RTTN: variants seen among roughly 807,000 people sequenced by gnomAD.
RTTN encodes the protein rotatin.
RTTN carries 182 observed loss-of-function variants against 269.2 expected under a neutral mutation model. The observed-to-expected ratio is 0.68, with a 90% confidence interval of 0.60 to 0.76. The LOEUF is 0.76. RTTN is among the 30% of genes least tolerant of loss of function. RTTN has a pLI of 0.00. For missense variants in RTTN, 2,545 were observed against 2,608.6 expected, an observed-to-expected ratio of 0.98 and a Z score of 0.53; for synonymous variants, 1,006 against 963.5, an observed-to-expected ratio of 1.04 and a Z score of -0.82.
At chr18:70,080,249 G>C (rs145634784) in intron 32 of RTTN, among the ~76,000 whole-genome samples, 1 of 152,038 alleles carries the variant, frequency 6.6e-6, no homozygotes, top group Non-Finnish European at 1.5e-5. Context: ...TAGAAGCAAT[G>C]ACACCCCAGG....
intron 14 of RTTN, among the ~76,000 whole-genome samples, chr18:70,161,909 T>C (rs987261175): frequency 6.6e-6 from 1 of 152,212 alleles, no homozygotes; most frequent in Non-Finnish European, 1.5e-5. Flanking sequence ...ACACTGCTTG[T>C]GGGAATTTAA....
At chr18:70,076,599 A>C (rs977984147) in intron 32 of RTTN, among the ~76,000 whole-genome samples, 1 of 152,036 alleles carries the variant, frequency 6.6e-6, no homozygotes, top group Admixed American at 6.6e-5. Context: ...TTCAATATTC[A>C]ATGTCTTTTA....
At chr18:70,091,989 G>C (rs569101283) in intron 30 of RTTN, 121 bp downstream of exon 30, 32 of 508,638 alleles carry the variant, frequency 6.3e-5, no homozygotes, top group African/African-American at 4.0e-4. Context: ...TCCTGACCTC[G>C]TGATCTGCCC....
intron 28 of RTTN, among the ~76,000 whole-genome samples, chr18:70,099,265 G>A (rs2059090341): frequency 6.6e-6 from 1 of 152,148 alleles, no homozygotes; most frequent in African/African-American, 2.4e-5. Flanking sequence ...GTTGTTTCCT[G>A]ACATTTTAAT....
At chr18:70,043,975 A>T (rs551931573) in intron 40 of RTTN, among the ~76,000 whole-genome samples, 1 of 152,336 alleles carries the variant, frequency 6.6e-6, no homozygotes, top group Non-Finnish European at 1.5e-5. Context: ...AAAAAGAGAA[A>T]AAGAAATCAA....
intron 35 of RTTN, among the ~76,000 whole-genome samples, chr18:70,063,029 T>C (rs1041095127): frequency 6.6e-6 from 1 of 152,230 alleles, no homozygotes; most frequent in Non-Finnish European, 1.5e-5. Context: ...ATTTGTGTTG[T>C]TTCCATGTTT....
intron 40 of RTTN, among the ~76,000 whole-genome samples, chr18:70,032,207 T>C (rs1024898289): frequency 1.3e-5 from 2 of 152,186 alleles, no homozygotes; most frequent in Admixed American, 6.5e-5. Flanking sequence ...GTCTTGCCCA[T>C]GAGATGGGGC....
chr18:70,099,892 G>C (rs1055603360), intron 28 of RTTN, among the ~76,000 whole-genome samples: 1 of 152,176 alleles, frequency 6.6e-6, no homozygotes, highest in African/African-American at 2.4e-5. Flanking sequence ...GATGGTTGTA[G>C]ATGTGTGGTA....
At chr18:70,156,656 G>A (rs1019802796) in intron 14 of RTTN, among the ~76,000 whole-genome samples, 7 of 152,020 alleles carry the variant, frequency 4.6e-5, no homozygotes, top group African/African-American at 1.2e-4. Context: ...GGAACCCACC[G>A]ACATGTGATG....
chr18:70,197,784 C>G, intron 5 of RTTN, 46 bp from the exon 6 acceptor site: 1 of 1,248,484 alleles, frequency 8.0e-7, no homozygotes, highest in South Asian at 1.2e-5. Flanking sequence ...TTCATCTATT[C>G]CAGATTCTAA....
chr18:70,174,490 A>G (rs2145965425), intron 11 of RTTN, among the ~76,000 whole-genome samples: 1 of 152,250 alleles, frequency 6.6e-6, no homozygotes, highest in South Asian at 2.1e-4. Flanking sequence ...TAATGCCACT[A>G]GGAATTTAAG....
chr18:70,046,158 C>T (rs537197225), intron 40 of RTTN, among the ~76,000 whole-genome samples: 19 of 152,180 alleles, frequency 1.2e-4, no homozygotes. Flanking sequence ...CACAGCACCA[C>T]AAACAACATT....
At chr18:70,030,757 C>T (rs2056988433) in intron 41 of RTTN, 119 bp downstream of exon 41, 1 of 627,158 alleles carries the variant, frequency 1.6e-6, no homozygotes, top group Non-Finnish European at 2.6e-6. Context: ...TTTTTAGTGA[C>T]ACTGAGATTA....
At chr18:70,072,726 A>C (rs1286816254) in intron 34 of RTTN, among the ~76,000 whole-genome samples, 2 of 152,164 alleles carry the variant, frequency 1.3e-5, no homozygotes. Flanking sequence ...CTTTTGACAA[A>C]TAGGCTAACA....
Position 70,138,091 on chromosome 18 carries a change from C to T in RTTN, c.2788+1508G>A, listed in dbSNP as rs142365876. Among the ~76,000 whole-genome samples the T allele has an allele frequency of 2.9e-3, 440 of 152,192 alleles. 1 individual carries two copies. Among genetic ancestry groups the T allele is most frequent in the African/African-American group, 9.8e-3 (408 of 41,542 alleles). On this transcript the variant is annotated intron_variant, in intron 21 of 48. Coordinates refer to ENST00000640769, the MANE Select transcript of RTTN (RefSeq NM_173630.4). The stretch of plus-strand genomic sequence containing the variant: ...GTCAGGAGTTCGAGACCAGCCTGGC[C>T]AACATGGAGAAACCTAGCCTCTACT...
At chr18:70,163,873 A>G (rs1455694919) in intron 14 of RTTN, among the ~76,000 whole-genome samples, 1 of 152,188 alleles carries the variant, frequency 6.6e-6, no homozygotes, top group African/African-American at 2.4e-5. Context: ...ACAATAGATT[A>G]TTATTAAGTC....
intron 37 of RTTN, among the ~76,000 whole-genome samples, chr18:70,056,349 T>C (rs2057815931): frequency 6.6e-6 from 1 of 152,234 alleles, no homozygotes; most frequent in Non-Finnish European, 1.5e-5. Flanking sequence ...GTCAGAGACC[T>C]TGGACAAGTC....
At position 70,196,723 on chromosome 18, in the gene RTTN, G is replaced by A; in HGVS notation, c.694-75C>T. On this transcript the variant is annotated intron_variant, in intron 6 of 48. Transcript: ENST00000640769. Reference sequence around the variant, plus strand: ...CTTCAAAGCAGAATGTGGAGCTTAAGTAAGTAAGCCTAAGTGAATAATCAA... The same window carrying A: ...CTTCAAAGCAGAATGTGGAGCTTAAATAAGTAAGCCTAAGTGAATAATCAA... 2.9e-6 allele frequency: 4 copies of A among 1,395,812 alleles called. No individual in the cohort carries two copies. The South Asian group carries it at 3.8e-5, about 13-fold the overall frequency. 86.5% of individuals were successfully genotyped at this position (1,395,812 alleles called of 1,614,324 possible). A position where few individuals can be genotyped will look rare whatever the true frequency, so the allele number is the denominator to read the frequency against.
At chr18:70,064,583 C>T (rs1261333998) in intron 35 of RTTN, among the ~76,000 whole-genome samples, 1 of 152,066 alleles carries the variant, frequency 6.6e-6, no homozygotes, top group African/African-American at 2.4e-5. Context: ...AAGCCAGTCA[C>T]ACAAGACCAT....
Sources: gnomAD v4.1 joint callset for allele counts (sites outside exome capture counted in the v4.1 genomes callset) on GRCh38, gnomAD v4.1.1 for gene constraint, MANE v1.5 for transcripts, NCBI Gene and HGNC (gene_info 2026-07-23, HGNC 2026-07-21) for gene names.